The following KANK3 variants were observed in gnomAD, a reference collection of about 807,000 sequenced individuals.
The protein encoded by KANK3 is KN motif and ankyrin repeat domain-containing protein 3.
Under a neutral mutation model 65.4 loss-of-function variants are expected in KANK3, and 61 were observed. The observed-to-expected ratio is 0.93, with a 90% CI of 0.76 to 1.15. KANK3 has a LOEUF of 1.15. KANK3 is among the 50% of genes most tolerant of loss of function. The pLI is 0.00. For missense variants in KANK3, 1,187 were observed against 1,178.8 expected (o/e 1.01, Z -0.10); for synonymous variants, 586 against 543.3 (o/e 1.08, Z -1.09).
At chr19:8,324,862 G>T (rs1477599122) in intron 8 of KANK3, 32 bp from the exon 9 acceptor site, 1 of 1,603,588 alleles carries the variant, frequency 6.2e-7, no homozygotes, top group South Asian at 1.1e-5. Flanking sequence ...GGAACAGGCT[G>T]GGGTAGGCTC....
intron 1 of KANK3, among the ~76,000 whole-genome samples, chr19:8,339,055 G>T (rs1970688447): frequency 6.6e-6 from 1 of 152,014 alleles, no homozygotes; most frequent in South Asian, 2.1e-4. Flanking sequence ...TCACAGGCTT[G>T]ATCCTTGGCT....
At chr19:8,335,853 A>G (rs1311289640) in intron 2 of KANK3, 61 bp from the exon 3 acceptor site, 4 of 1,137,294 alleles carry the variant, frequency 3.5e-6, no homozygotes, top group Admixed American at 4.3e-5. Flanking sequence ...GGGAGATACT[A>G]AACAAACCGA....
At chr19:8,339,359 TTG>T (rs201250727) in intron 1 of KANK3, among the ~76,000 whole-genome samples, 6 of 95,144 alleles carry the variant, frequency 6.3e-5, no homozygotes, top group African/African-American at 2.6e-4. Context: ...CTATCTCTTT[TTG>T]TTTTTTTTTT....
intron 10 of KANK3, chr19:8,323,348 C>T (rs566032179): frequency 6.4e-6 from 1 of 155,732 alleles, no homozygotes; most frequent in Non-Finnish European, 1.5e-5. Flanking sequence ...GAATACTCTG[C>T]TGAAGTGTGG....
intron 10 of KANK3, among the ~76,000 whole-genome samples, chr19:8,324,143 C>G (rs528630092): frequency 1.3e-5 from 2 of 152,258 alleles, no homozygotes; most frequent in East Asian, 3.9e-4. Context: ...CCAGCCCCTG[C>G]CAGGCGCTCT....
intron 7 of KANK3, among the ~76,000 whole-genome samples, chr19:8,329,877 T>A (rs1408765816): frequency 6.6e-6 from 1 of 152,180 alleles, no homozygotes; most frequent in African/African-American, 2.4e-5. Context: ...CTTACCAGAC[T>A]CAGGCAGGTA....
Position 8,337,790 on chromosome 19 carries a change from C to T in KANK3, c.34+5G>A, listed in dbSNP as rs746428639. On this transcript the variant is annotated splice_donor_5th_base_variant and intron_variant, in intron 2 of 10. Coordinates refer to ENST00000330915, the MANE Select transcript of KANK3 (RefSeq NM_198471.3). The stretch of plus-strand genomic sequence containing the variant: ...ACACACACATCTCTCTTTTTGCACA[C>T]TCACCGGGCAGGTTCTGATTCAGGG... 6.2e-7 allele frequency: 1 copy of T among 1,613,062 alleles called. No homozygotes were observed. Among genetic ancestry groups the T allele is most frequent in the Non-Finnish European group, 8.5e-7 (1 of 1,180,006 alleles).
chr19:8,324,733 G>T lies in KANK3; in HGVS notation c.2180C>A (p.Ala727Glu), dbSNP rs200719099. The T allele has an allele frequency of 4.0e-5, 65 of 1,613,906 alleles. No homozygotes were observed. Among genetic ancestry groups the T allele is most frequent in the Non-Finnish European group, 7.6e-6 (9 of 1,180,020 alleles). ...ACACATCAGCGCTGTGGCCCCATCC[G>T]CATCCTGCGCATTCACATCAGCCCC... ...ACGADVNAQDADGATALMCAS... is the reference protein window; with the variant it reads ...ACGADVNAQDEDGATALMCAS... The change falls in exon 9 of 11, where the codon GCG becomes GAG. Residue 727 changes from alanine (A) to glutamate (E), a missense_variant. By Grantham distance (107) the Ala-to-Glu change is moderately radical. Coordinates refer to ENST00000330915, the MANE Select transcript of KANK3 (RefSeq NM_198471.3).
intron 7 of KANK3, among the ~76,000 whole-genome samples, 200 bp from the exon 8 acceptor site, chr19:8,325,296 CTTTTTTTTT>C (rs573315741): frequency 0.016 from 1,250 of 78,656 alleles, 37 homozygotes; most frequent in African/African-American, 0.063. Context: ...CCTGTTTCAT[CTTTTTTTTT>C]TTTTTTTTTT....
chr19:8,334,674 C>T lies in KANK3; in HGVS notation c.1153G>A (p.Ala385Thr), dbSNP rs1310376787. ...GCCCCCGCCGCTGCCTCCTCCGCAG[C>T]CTCGCGGGCTTCCTCCAGCTCCCGC... ...RLRELEEARE[A>T]AEEAAAGARA... The change falls in exon 3 of 11, where the codon GCT becomes ACT. Residue 385 changes from alanine (A) to threonine (T), a missense_variant. By Grantham distance (58) the Ala-to-Thr change is moderately conservative. Around this residue, in one of 3 missense-constraint regions of KANK3, gnomAD observed 1,078 missense variants for 1,038.2 expected, o/e 1.04. Transcript: ENST00000330915. 1 of 1,536,898 alleles carries T rather than the reference C, an allele frequency of 6.5e-7. No homozygotes were observed. Among genetic ancestry groups the T allele is most frequent in the Non-Finnish European group, 8.7e-7 (1 of 1,148,336 alleles).
chr19:8,335,242 C>T lies in KANK3; in HGVS notation c.585G>A (p.Arg195=). The change falls in exon 3 of 11, where the codon CGG becomes CGA. Residue 195 remains arginine, a synonymous_variant. Coordinates refer to ENST00000330915, the MANE Select transcript of KANK3 (RefSeq NM_198471.3). ...LVREQMAAAL[R]RLRELEDQAR... ...CCTGGTCCTCGAGCTCGCGCAGGCG[C>T]CGCAGCGCCGCGGCCATCTGCTCGC... 1 of 1,225,802 alleles carries T rather than the reference C, an allele frequency of 8.2e-7. No individual in the cohort carries two copies. Among genetic ancestry groups the T allele is most frequent in the Non-Finnish European group, 1.0e-6 (1 of 982,364 alleles). 75.9% of individuals were successfully genotyped at this position (1,225,802 alleles called of 1,614,324 possible).
chr19:8,334,862 G>T lies in KANK3; in HGVS notation c.965C>A (p.Thr322Asn). 6.8e-7 allele frequency: 1 copy of T among 1,463,294 alleles called. No homozygotes were observed. The highest frequency in any genetic ancestry group is 9.0e-7 in the Non-Finnish European group (1 of 1,117,134). The allele number at this position is 1,463,294 out of a possible 1,614,324, so 90.6% of individuals were successfully genotyped here. ...GGCAGCCTCCACGCCGGCCTCCCGG[G>T]TCTCCGGCACGGCCTGGGCACCCGC... ...REAGAQAVPE[T>N]REAGVEAAPE... Residue 322 changes from threonine to asparagine, a missense_variant, in exon 3 of 11, where the codon ACC (threonine) becomes AAC (asparagine). This residue lies in a region of KANK3 where 1,078 missense variants were observed against 1,038.2 expected (regional missense o/e 1.04). Coordinates refer to ENST00000330915, the MANE Select transcript of KANK3 (RefSeq NM_198471.3).
intron 1 of KANK3, among the ~76,000 whole-genome samples, chr19:8,339,708 A>C (rs12975181): frequency 0.45 from 67,897 of 151,670 alleles, 15,699 homozygotes; most frequent in African/African-American, 0.55. Flanking sequence ...CACCAAGCAC[A>C]GTGGCTCACA....
chr19:8,325,017 T>A lies in KANK3; in HGVS notation c.2016A>T (p.Glu672Asp), dbSNP rs79188590. ...TCTGGACCACAGCCATGTCCTCCTCTTCCTGCCTCACAGAGGTGAGTGCAG... is the reference window on the plus strand; with the variant it reads ...TCTGGACCACAGCCATGTCCTCCTCATCCTGCCTCACAGAGGTGAGTGCAG... Reference protein sequence around the residue: ...MLAALTSVRQEEEDMAVVQRL... With the variant: ...MLAALTSVRQDEEDMAVVQRL... Residue 672 changes from glutamate to aspartate, a missense_variant, in exon 8 of 11, where the codon GAA becomes GAT. Coordinates refer to ENST00000330915, the MANE Select transcript of KANK3 (RefSeq NM_198471.3). 3.7e-6 allele frequency: 6 copies of A among 1,608,576 alleles called. No homozygotes were observed. Among genetic ancestry groups the A allele is most frequent in the Non-Finnish European group, 5.1e-6 (6 of 1,176,348 alleles).
In KANK3 at chr19:8,335,151, C is replaced by A; in HGVS notation, c.676G>T (p.Ala226Ser). 8.2e-7 allele frequency: 1 copy of A among 1,219,088 alleles called. No homozygotes were observed. The highest frequency in any genetic ancestry group is 3.6e-5 in the South Asian group (1 of 27,908). 75.5% of individuals were successfully genotyped at this position (1,219,088 alleles called of 1,614,324 possible). Residue 226 changes from alanine to serine, a missense_variant, in exon 3 of 11, where the codon GCC (alanine) becomes TCC (serine). Ala to Ser is a moderately conservative substitution (Grantham distance 99). Coordinates refer to ENST00000330915, the MANE Select transcript of KANK3 (RefSeq NM_198471.3). ...ALRAEKARLLAGRAQPEPDGE... is the reference protein window; with the variant it reads ...ALRAEKARLLSGRAQPEPDGE... ...TCCGGCTCGGGCTGCGCGCGCCCGG[C>A]CAGCAGCCGCGCCTTCTCGGCGCGC...
chr19:8,334,905 C>G lies in KANK3; in HGVS notation c.922G>C (p.Val308Leu). 2 of 1,458,068 alleles carry G rather than the reference C, an allele frequency of 1.4e-6. No homozygotes were observed. Among genetic ancestry groups the G allele is most frequent in the Non-Finnish European group, 1.8e-6 (2 of 1,114,968 alleles). The allele number at this position is 1,458,068 out of a possible 1,614,324, so 90.3% of individuals were successfully genotyped here. A position where few individuals can be genotyped will look rare whatever the true frequency, so the allele number is the denominator to read the frequency against. ...PQTREVAAEAVPETREAGAQA... is the reference protein window; with the variant it reads ...PQTREVAAEALPETREAGAQA... ...GCACCCGCTTCTCGGGTCTCGGGCA[C>G]GGCCTCGGCGGCCACCTCCCGGGTC... The change falls in exon 3 of 11, where the codon GTG (valine) becomes CTG (leucine). Residue 308 changes from valine to leucine, a missense_variant. By Grantham distance (32) the Val-to-Leu change is conservative. This residue lies in a region of KANK3 where 1,078 missense variants were observed against 1,038.2 expected (regional missense o/e 1.04). Coordinates refer to ENST00000330915, the MANE Select transcript of KANK3 (RefSeq NM_198471.3).
chr19:8,337,738 C>T, intron 2 of KANK3, 57 bp downstream of exon 2: 1 of 1,593,716 alleles, frequency 6.3e-7, no homozygotes. Flanking sequence ...ACAAGGGCAT[C>T]AAGCGTTTCT....
chr19:8,334,159 G>T, intron 4 of KANK3, 43 bp from the exon 5 acceptor site: 1 of 1,489,254 alleles, frequency 6.7e-7, no homozygotes, highest in East Asian at 2.5e-5. Context: ...TCCCCTGTGG[G>T]CTCGTTCTGG....
rs749487859 is a variant in KANK3, at chr19:8,333,897, G to C, written c.1634+13C>G. 6.3e-7 allele frequency: 1 copy of C among 1,574,864 alleles called. No homozygotes were observed. The highest frequency in any genetic ancestry group is 8.6e-7 in the Non-Finnish European group (1 of 1,162,952). ...GCCGCCTCCTCTCCAAACAACTAGC[G>C]AGCGCCGCTCACCTCCCCTGTGCCA... is the stretch of plus-strand genomic sequence containing the variant. On this transcript the variant is annotated intron_variant, in intron 5 of 10. Coordinates refer to ENST00000330915, the MANE Select transcript of KANK3 (RefSeq NM_198471.3). The surrounding 1 kb of genome is among the most constrained non-coding windows in gnomAD (Gnocchi z 5.0).
Sources: gnomAD v4.1 joint callset for allele counts (sites outside exome capture counted in the v4.1 genomes callset) on GRCh38, gnomAD v4.1.1 for gene constraint, gnomAD v4.1.1 regional missense constraint, Gnocchi (gnomAD v3.1) non-coding constraint, MANE v1.5 for transcripts, NCBI Gene and HGNC (gene_info 2026-07-23, HGNC 2026-07-21) for gene names.